The following FREM1 variants were observed in gnomAD, a reference collection of about 807,000 sequenced individuals.
FREM1 encodes the protein FRAS1 related extracellular matrix 1, also known as FRAS1-related extracellular matrix protein 1.
FREM1 carries 220 observed loss-of-function variants against 210.1 expected under a neutral mutation model. The observed-to-expected ratio is 1.05, with a 90% CI of 0.94 to 1.17. The LOEUF is 1.17. Ranked by LOEUF, FREM1 falls within the 50% of genes most tolerant of loss-of-function variation. The probability of loss-of-function intolerance (pLI) is 0.00; values close to 1 mark genes in which losing one functional copy is unlikely to be tolerated. For synonymous variants in FREM1, 1,189 were observed against 980.2 expected (o/e 1.21, Z -3.98); for missense variants, 3,454 against 2,675.5 (o/e 1.29, Z -6.42).
chr9:14,794,010 G>T (rs1329683370), intron 21 of FREM1, among the ~76,000 whole-genome samples: 1 of 152,164 alleles, frequency 6.6e-6, no homozygotes, highest in Non-Finnish European at 1.5e-5. Context: ...AAAACGGGAA[G>T]CCAATGTCAT....
intron 1 of FREM1, among the ~76,000 whole-genome samples, chr9:14,886,820 C>A (rs2132283470): frequency 6.7e-6 from 1 of 148,682 alleles, no homozygotes; most frequent in East Asian, 2.0e-4. Context: ...ATCACCTGAG[C>A]CTGGAGATCG....
At chr9:14,780,452 T>TAAAAAAAAAAAAAAAAAAAAAAAA (rs1587928412) in intron 24 of FREM1, among the ~76,000 whole-genome samples, 1 of 69,902 alleles carries the variant, frequency 1.4e-5, no homozygotes, top group Non-Finnish European at 3.4e-5. Context: ...AAAAAAAAAG[T>TAAAAAAAAAAAAAAAAAAAAAAAA]CCAGCCGGCA....
At chr9:14,811,627 A>C (rs575411244) in intron 16 of FREM1, among the ~76,000 whole-genome samples, 2 of 152,210 alleles carry the variant, frequency 1.3e-5, no homozygotes, top group Non-Finnish European at 2.9e-5. Context: ...TAAAGAAAAA[A>C]GATGTCTGGT....
At chr9:14,785,029 T>C (rs1476755142) in intron 23 of FREM1, among the ~76,000 whole-genome samples, 3 of 152,222 alleles carry the variant, frequency 2.0e-5, no homozygotes, top group African/African-American at 7.2e-5. Flanking sequence ...TTTGGCATTA[T>C]TTTGTAAAGA....
At position 14,806,678 on chromosome 9, in the gene FREM1, T is replaced by A; in HGVS notation, c.3257A>T (p.Asn1086Ile). The A allele has an allele frequency of 6.3e-7, 1 of 1,594,390 alleles. No individual in the cohort carries two copies. Among genetic ancestry groups the A allele is most frequent in the Non-Finnish European group, 8.6e-7 (1 of 1,167,982 alleles). ...ILPSVGFEKSNIGISIDSFQW... is the reference protein window; with the variant it reads ...ILPSVGFEKSIIGISIDSFQW... ...CAGCTTACCTATACTTATGCCAATA[T>A]TGCTTTTTTCAAAACCCACAGAAGG... is the stretch of plus-strand genomic sequence containing the variant. The change falls in exon 18 of 37, where the codon AAT becomes ATT. Residue 1086 changes from asparagine to isoleucine, a missense_variant. By Grantham distance (149) the Asn-to-Ile change is moderately radical. Coordinates refer to ENST00000380880, the MANE Select transcript of FREM1 (RefSeq NM_001379081.2).
chr9:14,819,508 T>C (rs945391688), intron 13 of FREM1, 66 bp from the exon 14 acceptor site: 8 of 900,134 alleles, frequency 8.9e-6, no homozygotes, highest in Admixed American at 7.0e-5. Flanking sequence ...CAGAGCTCAT[T>C]ACATCACTGT....
In FREM1 at chr9:14,784,608, G is replaced by C. The variant is rs770679670; in HGVS notation, c.4204C>G (p.Leu1402Val). 6.3e-7 allele frequency: 1 copy of C among 1,594,936 alleles called. No individual in the cohort carries two copies. Among genetic ancestry groups the C allele is most frequent in the South Asian group, 1.1e-5 (1 of 87,936 alleles). ...KGDIVILTKP[L>V]VVSKGDRGFL... is the part of the protein sequence containing the mutation. ...CCTCTATCACCTTTAGACACCACGA[G>C]TGGTTTTGTAAGGATGACAATATCA... is the stretch of plus-strand genomic sequence containing the variant. Residue 1402 changes from leucine (L) to valine (V), a missense_variant, in exon 24 of 37, where the codon CTC becomes GTC. Transcript: ENST00000380880.
In FREM1 at chr9:14,842,485, G is replaced by A. The variant is rs1234353761; in HGVS notation, c.1569C>T (p.Phe523=). The change falls in exon 9 of 37, where the codon TTC becomes TTT. Residue 523 remains phenylalanine (F), a synonymous_variant. Coordinates refer to ENST00000380880, the MANE Select transcript of FREM1 (RefSeq NM_001379081.2). ...NVLPKDDSPP[F]LITNVVIELE... ...GTTCAATCACAACATTGGTTATGAGGAACGGGGGACTATCATCTTTGGGCA... is the reference window on the plus strand; with the variant it reads ...GTTCAATCACAACATTGGTTATGAGAAACGGGGGACTATCATCTTTGGGCA... 1.2e-6 allele frequency: 2 copies of A among 1,613,948 alleles called. No individual in the cohort carries two copies. Among genetic ancestry groups the A allele is most frequent in the Non-Finnish European group, 1.7e-6 (2 of 1,179,908 alleles).
At chr9:14,891,875 G>A (rs915154941) in intron 1 of FREM1, among the ~76,000 whole-genome samples, 2 of 152,154 alleles carry the variant, frequency 1.3e-5, no homozygotes, top group Admixed American at 1.3e-4. Context: ...TCAATAAGAG[G>A]TAACTTTAAT....
chr9:14,783,930 C>T (rs951839070), intron 24 of FREM1, among the ~76,000 whole-genome samples: 3 of 152,138 alleles, frequency 2.0e-5, no homozygotes, highest in Non-Finnish European at 2.9e-5. Flanking sequence ...AATCCCTTTT[C>T]GTCAGACAGA....
At chr9:14,781,997 C>A (rs935410844) in intron 24 of FREM1, among the ~76,000 whole-genome samples, 1 of 152,172 alleles carries the variant, frequency 6.6e-6, no homozygotes, top group African/African-American at 2.4e-5. Context: ...GAGCCACTGC[C>A]CCAGCCTCAA....
intron 4 of FREM1, among the ~76,000 whole-genome samples, chr9:14,858,107 T>A (rs1382816320): frequency 6.6e-6 from 1 of 152,078 alleles, no homozygotes; most frequent in African/African-American, 2.4e-5. Flanking sequence ...AGCTTCCATG[T>A]CTCTATCATA....
At chr9:14,819,143 T>C (rs917834829) in intron 14 of FREM1, 91 bp downstream of exon 14, 29 of 865,886 alleles carry the variant, frequency 3.3e-5, no homozygotes, top group Non-Finnish European at 4.5e-5. Context: ...CTTTAAGAAA[T>C]TGGACAAACT....
At chr9:14,751,109 C>T (rs534119121) in intron 29 of FREM1, among the ~76,000 whole-genome samples, 4 of 152,230 alleles carry the variant, frequency 2.6e-5, no homozygotes, top group Non-Finnish European at 5.9e-5. Flanking sequence ...TGATGTGGAT[C>T]ATAGGATATC....
At position 14,812,963 on chromosome 9, in the gene FREM1, A is replaced by C. The variant is rs768782094; in HGVS notation, c.2742T>G (p.Ile914Met). Residue 914 changes from isoleucine to methionine, a missense_variant, in exon 16 of 37, where the codon ATT becomes ATG. Ile to Met is a conservative substitution (Grantham distance 10, BLOSUM62 1). Transcript: ENST00000380880. Reference protein sequence around the residue: ...GGEVVITSEYIFATDVDSDNL... With the variant: ...GGEVVITSEYMFATDVDSDNL... ...TATCGCTGTCCACATCAGTAGCAAAAATGTATTCAGAGGTGATGACCACCT... is the reference window on the plus strand; with the variant it reads ...TATCGCTGTCCACATCAGTAGCAAACATGTATTCAGAGGTGATGACCACCT... 1 of 1,613,844 alleles carries C rather than the reference A, an allele frequency of 6.2e-7. No individual in the cohort carries two copies. Among genetic ancestry groups the C allele is most frequent in the Non-Finnish European group, 8.5e-7 (1 of 1,179,860 alleles).
At chr9:14,758,776 A>C (rs1844901699) in intron 28 of FREM1, among the ~76,000 whole-genome samples, 1 of 151,082 alleles carries the variant, frequency 6.6e-6, no homozygotes, top group Non-Finnish European at 1.5e-5. Context: ...TGTTATAACG[A>C]CTCCTAAAAA....
At chr9:14,831,656 G>C (rs112566649) in intron 10 of FREM1, among the ~76,000 whole-genome samples, 493 of 152,358 alleles carry the variant, frequency 3.2e-3, no homozygotes, top group Non-Finnish European at 5.8e-3. Flanking sequence ...ATAATAGCAG[G>C]ATACAGAGTT....
At chr9:14,787,311 C>G (rs2132930361) in intron 23 of FREM1, among the ~76,000 whole-genome samples, 1 of 152,168 alleles carries the variant, frequency 6.6e-6, no homozygotes, top group Non-Finnish European at 1.5e-5. Flanking sequence ...TGACAAAACA[C>G]CACTTTGTAA....
intron 7 of FREM1, among the ~76,000 whole-genome samples, chr9:14,847,339 C>T (rs1351541121): frequency 1.3e-5 from 2 of 150,616 alleles, no homozygotes; most frequent in Non-Finnish European, 3.0e-5. Flanking sequence ...TGATCTGCCT[C>T]GGGGTCTGTT....
Sources: gnomAD v4.1 joint callset for allele counts (sites outside exome capture counted in the v4.1 genomes callset) on GRCh38, gnomAD v4.1.1 for gene constraint, MANE v1.5 for transcripts, NCBI Gene and HGNC (gene_info 2026-07-23, HGNC 2026-07-21) for gene names.